Variants in RASA1 observed in about 807,000 individuals in gnomAD.
RASA1 encodes RAS p21 protein activator 1.
In RASA1, 25 loss-of-function variants were observed where a neutral mutation model predicts 132.2. The ratio of observed to expected loss-of-function variants is 0.19; its 90% CI spans 0.14 to 0.26. The LOEUF is 0.26. Ranked by LOEUF, RASA1 falls within the 10% of genes least tolerant of loss-of-function variation. RASA1 has a pLI of 1.00. For missense variants in RASA1, 964 were observed against 1,299.2 expected (o/e 0.74, Z 3.97); for synonymous variants, 477 against 449.9 (o/e 1.06, Z -0.76).
rs371566569 is a variant in RASA1, at chr5:87,292,814, T to G, written c.539+23824T>G. On this transcript the variant is annotated intron_variant, in intron 1 of 24. Coordinates refer to ENST00000274376, the MANE Select transcript of RASA1 (RefSeq NM_002890.3). ...TCTGCATTTATTTAGTTCTTTGTTA[T>G]CTTCCATCATAGTTTTGTAGTTTTT... 4.6e-5 allele frequency among the ~76,000 whole-genome samples: 7 copies of G among 152,222 alleles called. No homozygotes were observed. The East Asian group carries it at 1.2e-3, about 25-fold the overall frequency.
intron 4 of RASA1, among the ~76,000 whole-genome samples, chr5:87,335,653 T>C (rs1021655001): frequency 6.6e-6 from 1 of 152,040 alleles, no homozygotes; most frequent in African/African-American, 2.4e-5. Context: ...CTTGAACTAC[T>C]GACCTCGGGT....
At chr5:87,297,169 A>T (rs187642681) in intron 1 of RASA1, among the ~76,000 whole-genome samples, 1 of 152,204 alleles carries the variant, frequency 6.6e-6, no homozygotes, top group Admixed American at 6.5e-5. Flanking sequence ...ATGTATTTGC[A>T]TATTGTCTAC....
chr5:87,305,515 C>A (rs1285229027), intron 1 of RASA1, among the ~76,000 whole-genome samples: 1 of 152,144 alleles, frequency 6.6e-6, no homozygotes, highest in Non-Finnish European at 1.5e-5. Context: ...AAATATAACA[C>A]CCCATACTAT....
Position 87,268,261 on chromosome 5 carries a change from A to C in RASA1, c.-191A>C. ...TTGCCCACTTGGCTTCCCGTAACCC[A>C]GGCAGCTGGGGAGCCTGGGCTGTGG... is the stretch of plus-strand genomic sequence containing the variant. On this transcript the variant is annotated 5_prime_UTR_variant, in exon 1 of 25. Transcript: ENST00000274376. The C allele has an allele frequency of 2.4e-6, 2 of 833,438 alleles. No homozygotes were observed. The highest frequency in any genetic ancestry group is 3.6e-6 in the Non-Finnish European group (2 of 559,634). 51.6% of individuals were successfully genotyped at this position (833,438 alleles called of 1,614,324 possible). A position where few individuals can be genotyped will look rare whatever the true frequency, so the allele number is the denominator to read the frequency against.
chr5:87,313,867 G>A (rs142301470), intron 1 of RASA1, among the ~76,000 whole-genome samples: 1 of 152,096 alleles, frequency 6.6e-6, no homozygotes, highest in Non-Finnish European at 1.5e-5. Flanking sequence ...GATCAAAGAG[G>A]TCTGAAAATG....
intron 6 of RASA1, among the ~76,000 whole-genome samples, chr5:87,342,759 A>G (rs890712428): frequency 1.3e-5 from 2 of 152,198 alleles, no homozygotes; most frequent in African/African-American, 2.4e-5. Flanking sequence ...CTAGTTGTCT[A>G]GTTGATATGT....
At chr5:87,305,857 G>A (rs954919387) in intron 1 of RASA1, among the ~76,000 whole-genome samples, 1 of 152,164 alleles carries the variant, frequency 6.6e-6, no homozygotes, top group Non-Finnish European at 1.5e-5. Flanking sequence ...ACGTACTTGC[G>A]GGCAAGAATC....
At chr5:87,284,549 T>G (rs1754459757) in intron 1 of RASA1, among the ~76,000 whole-genome samples, 1 of 152,218 alleles carries the variant, frequency 6.6e-6, no homozygotes, top group Non-Finnish European at 1.5e-5. Flanking sequence ...GGAGTGGAAC[T>G]GTTCTCTACT....
Position 87,391,163 on chromosome 5 carries a change from T to TATAA in RASA1, c.*282_*283insAAAT, listed in dbSNP as rs1762487223. The stretch of plus-strand genomic sequence containing the variant: ...GACCACCTTTCACAAAACGAAATGC[T>TATAA]ATGACTGTATCTTGATATCTCGAAC... On this transcript the variant is annotated 3_prime_UTR_variant, in exon 25 of 25. Coordinates refer to ENST00000274376, the MANE Select transcript of RASA1 (RefSeq NM_002890.3). The TATAA allele has an allele frequency of 5.5e-6, 3 of 549,948 alleles. No homozygotes were observed. The highest frequency in any genetic ancestry group is 9.8e-6 in the Non-Finnish European group (3 of 306,008). The allele number at this position is 549,948 out of a possible 1,614,324, so 34.1% of individuals were successfully genotyped here.
intron 7 of RASA1, among the ~76,000 whole-genome samples, chr5:87,348,442 A>T (rs1222534384): frequency 6.6e-6 from 1 of 152,034 alleles, no homozygotes; most frequent in Non-Finnish European, 1.5e-5. Context: ...CAAAGATATC[A>T]GAAATACTTC....
intron 7 of RASA1, among the ~76,000 whole-genome samples, chr5:87,348,561 T>C (rs901760573): frequency 2.6e-5 from 4 of 152,066 alleles, no homozygotes; most frequent in Non-Finnish European, 5.9e-5. Flanking sequence ...TTTGATAATG[T>C]ATACACATAT....
intron 5 of RASA1, 87 bp downstream of exon 5, chr5:87,338,178 A>C: frequency 6.3e-7 from 1 of 1,576,980 alleles, no homozygotes; most frequent in Non-Finnish European, 8.6e-7. Flanking sequence ...AGTAGCTATG[A>C]ATACATTTCT....
chr5:87,326,084 A>G (rs1419465241), intron 1 of RASA1, among the ~76,000 whole-genome samples: 1 of 151,802 alleles, frequency 6.6e-6, no homozygotes, highest in Non-Finnish European at 1.5e-5. Context: ...CTATCCTCCC[A>G]TCTCAGCCTC....
intron 1 of RASA1, among the ~76,000 whole-genome samples, chr5:87,312,616 C>T (rs1270867227): frequency 6.6e-6 from 1 of 152,014 alleles, no homozygotes; most frequent in South Asian, 2.1e-4. Context: ...TAGAGGTTAT[C>T]GAAGGATGAG....
chr5:87,344,949 C>T lies in RASA1; in HGVS notation c.1050-1723C>T, dbSNP rs1758746368. The stretch of plus-strand genomic sequence containing the variant: ...CTCTACACACTCAACAGTATTGGTA[C>T]CCTTCTCTGTTACTCCCAAAATGCC... On this transcript the variant is annotated intron_variant, in intron 6 of 24. Transcript: ENST00000274376. Among the ~76,000 whole-genome samples, 4 of 152,250 alleles carry T rather than the reference C, an allele frequency of 2.6e-5. 1 individual carries two copies. The South Asian group carries it at 8.3e-4, about 32-fold the overall frequency.
intron 11 of RASA1, among the ~76,000 whole-genome samples, chr5:87,365,677 A>G (rs977528686): frequency 2.0e-5 from 3 of 152,108 alleles, no homozygotes; most frequent in Admixed American, 6.6e-5. Context: ...CTAACACTGG[A>G]AAGTCATTAG....
rs184163840 is a variant in RASA1, at chr5:87,268,646, C to T, written c.195C>T (p.Ala65=). ...TGVAGTLGGG[A]ALGSEFLGAG... is the part of the protein sequence containing the mutation. The stretch of plus-strand genomic sequence containing the variant: ...TGGCTGGAACTCTGGGTGGCGGAGC[C>T]GCTTTGGGGTCAGAGTTCCTAGGAG... Residue 65 remains alanine, a synonymous_variant, in exon 1 of 25, where the codon GCC becomes GCT. Coordinates refer to ENST00000274376, the MANE Select transcript of RASA1 (RefSeq NM_002890.3). 6 of 1,611,046 alleles carry T rather than the reference C, an allele frequency of 3.7e-6. No homozygotes were observed. The East Asian group carries it at 6.7e-5, about 18-fold the overall frequency.
rs550715329 is a variant in RASA1, at chr5:87,271,239, A to AAAAC, written c.539+2265_539+2268dup. On this transcript the variant is annotated intron_variant, in intron 1 of 24. Transcript: ENST00000274376. ...GGCAATAAGAGCTTAACCCCGTCTCAAAACAAACAAACAAACAAAAAAACA... is the reference window on the plus strand; with the variant it reads ...GGCAATAAGAGCTTAACCCCGTCTCAAAACAAACAAACAAACAAACAAAAAAACA... Among the ~76,000 whole-genome samples, 20 of 152,188 alleles carry AAAAC rather than the reference A, an allele frequency of 1.3e-4. 1 individual carries two copies. The highest frequency in any genetic ancestry group is 5.9e-4 in the Admixed American group (9 of 15,288).
intron 9 of RASA1, among the ~76,000 whole-genome samples, chr5:87,360,123 A>AT (rs1759962456): frequency 1.4e-5 from 2 of 140,660 alleles, no homozygotes; most frequent in African/African-American, 2.7e-5. Flanking sequence ...ATCAAAATGC[A>AT]GTTTTTTTTT....
Sources: allele counts gnomAD v4.1 joint callset (sites outside exome capture counted in the v4.1 genomes callset), GRCh38; gene constraint gnomAD v4.1.1; transcripts MANE v1.5; gene names NCBI Gene and HGNC (gene_info 2026-07-23, HGNC 2026-07-21).